The following CADM2 variants were observed in gnomAD, a reference collection of about 807,000 sequenced individuals.
The protein encoded by CADM2 is cell adhesion molecule 2.
A neutral mutation model predicts 49.8 loss-of-function variants in CADM2; 12 were observed. The ratio of observed to expected loss-of-function variants is 0.24; its 90% confidence interval spans 0.15 to 0.39. The LOEUF (loss-of-function observed/expected upper bound fraction) is 0.39, where lower values mean the gene tolerates loss of function less well. Ranked by LOEUF, CADM2 falls within the 10% of genes least tolerant of loss-of-function variation. The pLI is 1.00. For missense variants in CADM2, 378 were observed against 492.3 expected, an observed-to-expected ratio of 0.77 and a Z score of 2.20; for synonymous variants, 214 against 175.4, an observed-to-expected ratio of 1.22 and a Z score of -1.74.
intron 1 of CADM2, among the ~76,000 whole-genome samples, chr3:85,533,827 G>A (rs2061371129): frequency 6.6e-6 from 1 of 152,160 alleles, no homozygotes; most frequent in Non-Finnish European, 1.5e-5. Flanking sequence ...CTGGATGCCG[G>A]AAGTTAGTTT....
intron 2 of CADM2, 105 bp from the exon 3 acceptor site, chr3:85,801,942 T>C: frequency 1.1e-6 from 1 of 937,584 alleles, no homozygotes; most frequent in Admixed American, 2.9e-5. Context: ...TGTTTGGTTG[T>C]TTTAAATTTT....
chr3:85,236,221 C>G (rs910448251), intron 1 of CADM2, among the ~76,000 whole-genome samples: 1 of 151,894 alleles, frequency 6.6e-6, no homozygotes, highest in South Asian at 2.1e-4. Context: ...AACTTCCTTC[C>G]CTCAGGTGTT....
intron 1 of CADM2, among the ~76,000 whole-genome samples, chr3:85,466,956 A>C (rs766644244): frequency 6.6e-6 from 1 of 152,170 alleles, no homozygotes; most frequent in Non-Finnish European, 1.5e-5. Context: ...CCTGTAGCCA[A>C]GACTATGAAT....
At chr3:85,340,249 T>A (rs2045203610) in intron 1 of CADM2, among the ~76,000 whole-genome samples, 1 of 151,554 alleles carries the variant, frequency 6.6e-6, no homozygotes, top group Non-Finnish European at 1.5e-5. Flanking sequence ...TTGATTTGGC[T>A]AGAACTCTTT....
intron 1 of CADM2, among the ~76,000 whole-genome samples, chr3:85,162,496 A>G (rs372666404): frequency 7.9e-5 from 12 of 152,154 alleles, no homozygotes; most frequent in African/African-American, 2.9e-4. Flanking sequence ...GAAGCAATGG[A>G]CACAAACCAA....
intron 1 of CADM2, among the ~76,000 whole-genome samples, chr3:85,624,092 A>G (rs977258002): frequency 6.6e-6 from 1 of 152,152 alleles, no homozygotes; most frequent in Non-Finnish European, 1.5e-5. Flanking sequence ...GGCATATTTA[A>G]AAACATTAAA....
At chr3:85,752,810 T>C (rs1294989594) in intron 2 of CADM2, among the ~76,000 whole-genome samples, 1 of 152,060 alleles carries the variant, frequency 6.6e-6, no homozygotes, top group Non-Finnish European at 1.5e-5. Flanking sequence ...GTAACACAAA[T>C]AGTTTTCAGA....
intron 1 of CADM2, among the ~76,000 whole-genome samples, chr3:85,102,835 A>G (rs2038062865): frequency 6.6e-6 from 1 of 152,166 alleles, no homozygotes; most frequent in African/African-American, 2.4e-5. Context: ...CCATAGTAGT[A>G]TATTTTACTT....
intron 3 of CADM2, among the ~76,000 whole-genome samples, chr3:85,878,362 A>C (rs1712229328): frequency 6.6e-6 from 1 of 152,152 alleles, no homozygotes; most frequent in African/African-American, 2.4e-5. Flanking sequence ...AAGCTTACAT[A>C]AAACTTCATG....
At chr3:85,027,830 G>A (rs2034804185) in intron 1 of CADM2, among the ~76,000 whole-genome samples, 1 of 152,062 alleles carries the variant, frequency 6.6e-6, no homozygotes, top group African/African-American at 2.4e-5. Flanking sequence ...GCCTGTTAGT[G>A]GCAAAGAGGT....
At chr3:85,802,257 T>C in intron 3 of CADM2, 61 bp downstream of exon 3, 1 of 1,412,498 alleles carries the variant, frequency 7.1e-7, no homozygotes, top group Admixed American at 2.2e-5. Flanking sequence ...TTACAATAAA[T>C]TTATTTTTCT....
intron 1 of CADM2, among the ~76,000 whole-genome samples, chr3:85,062,898 T>C (rs1195092395): frequency 1.3e-5 from 2 of 151,652 alleles, no homozygotes; most frequent in African/African-American, 2.4e-5. Context: ...TCTTTATTTT[T>C]CATTTGCTGT....
At chr3:85,616,907 AAG>A (rs2063814991) in intron 1 of CADM2, among the ~76,000 whole-genome samples, 1 of 152,162 alleles carries the variant, frequency 6.6e-6, no homozygotes, top group Non-Finnish European at 1.5e-5. Flanking sequence ...AAACTTGGCT[AAG>A]AAACAAAGTC....
intron 3 of CADM2, among the ~76,000 whole-genome samples, chr3:85,852,580 G>GA (rs1406169004): frequency 6.6e-6 from 1 of 151,762 alleles, no homozygotes; most frequent in Non-Finnish European, 1.5e-5. Context: ...TTGAGAGAAA[G>GA]AAAAAAATGT....
intron 1 of CADM2, among the ~76,000 whole-genome samples, chr3:85,056,341 G>GTGCT (rs2107425404): frequency 6.6e-6 from 1 of 152,184 alleles, no homozygotes; most frequent in Admixed American, 6.5e-5. Flanking sequence ...CATTTTAAGT[G>GTGCT]TGCTTTTAGA....
intron 1 of CADM2, among the ~76,000 whole-genome samples, chr3:85,508,837 A>ATGTG (rs10524905): frequency 1.8e-4 from 27 of 150,036 alleles, no homozygotes; most frequent in Admixed American, 8.7e-4. Context: ...CTGTGTGTGT[A>ATGTG]TGTGTGTGTG....
chr3:85,360,640 C>A (rs1474832195), intron 1 of CADM2, among the ~76,000 whole-genome samples: 2 of 152,190 alleles, frequency 1.3e-5, no homozygotes, highest in Admixed American at 1.3e-4. Flanking sequence ...CTTCCTCTCA[C>A]AAATTCAATG....
intron 1 of CADM2, among the ~76,000 whole-genome samples, chr3:85,432,340 G>C (rs770659782): frequency 4.6e-5 from 7 of 152,124 alleles, no homozygotes; most frequent in Middle Eastern, 6.8e-3. Context: ...AGCAGTCGCA[G>C]AGGGAGGGAG....
intron 1 of CADM2, among the ~76,000 whole-genome samples, chr3:85,341,622 G>A (rs1054851823): frequency 6.6e-6 from 1 of 151,928 alleles, no homozygotes; most frequent in Admixed American, 6.6e-5. Flanking sequence ...GAACTAGAGT[G>A]CAGCAAGCCA....
Sources: allele counts gnomAD v4.1 joint callset (sites outside exome capture counted in the v4.1 genomes callset), GRCh38; gene constraint gnomAD v4.1.1; transcripts MANE v1.5; gene names NCBI Gene and HGNC (gene_info 2026-07-23, HGNC 2026-07-21).